MACROD2: variants seen among roughly 807,000 people sequenced by gnomAD.
The protein encoded by MACROD2 is ADP-ribose glycohydrolase MACROD2.
Under a neutral mutation model 70.4 loss-of-function variants are expected in MACROD2, and 36 were observed. The observed-to-expected ratio is 0.51, with a 90% CI of 0.39 to 0.68. The LOEUF is 0.68. Among genes scored for constraint, MACROD2 ranks in the 30% least tolerant of loss-of-function variants. MACROD2 has a pLI of 0.00. For missense variants in MACROD2, 496 were observed against 538.4 expected (o/e 0.92, Z 0.78); for synonymous variants, 172 against 178.8 (o/e 0.96, Z 0.30).
At chr20:15,553,527 T>C (rs1482249059) in intron 8 of MACROD2, among the ~76,000 whole-genome samples, 1 of 152,162 alleles carries the variant, frequency 6.6e-6, no homozygotes, top group Non-Finnish European at 1.5e-5. Context: ...TTGAGCGATC[T>C]CCTACCTCAG....
intron 8 of MACROD2, among the ~76,000 whole-genome samples, chr20:15,696,570 G>A (rs1368613876): frequency 6.6e-6 from 1 of 152,066 alleles, no homozygotes; most frequent in Non-Finnish European, 1.5e-5. Context: ...GAATGAATTA[G>A]GGAGGATTCC....
intron 8 of MACROD2, among the ~76,000 whole-genome samples, chr20:15,669,189 G>C (rs183919910): frequency 6.6e-6 from 1 of 152,142 alleles, no homozygotes; most frequent in Non-Finnish European, 1.5e-5. Context: ...CATTGTACAC[G>C]GGTGCAATGA....
At chr20:14,690,135 T>G (rs1029364023) in intron 5 of MACROD2, among the ~76,000 whole-genome samples, 5 of 152,170 alleles carry the variant, frequency 3.3e-5, no homozygotes, top group Non-Finnish European at 2.9e-5. Context: ...GTTTTCAGCA[T>G]AGCTCACATG....
chr20:14,531,477 G>A (rs1296636415), intron 4 of MACROD2, among the ~76,000 whole-genome samples: 1 of 152,170 alleles, frequency 6.6e-6, no homozygotes, highest in Non-Finnish European at 1.5e-5. Flanking sequence ...ATTCTTCCCT[G>A]TACCTTCTGA....
intron 3 of MACROD2, among the ~76,000 whole-genome samples, chr20:14,390,137 C>A (rs926719618): frequency 6.6e-6 from 1 of 152,150 alleles, no homozygotes; most frequent in Non-Finnish European, 1.5e-5. Context: ...AGAAGAAACT[C>A]CCATTTACAA....
intron 3 of MACROD2, among the ~76,000 whole-genome samples, chr20:14,317,252 A>G (rs771962982): frequency 2.0e-5 from 3 of 152,114 alleles, no homozygotes; most frequent in Non-Finnish European, 2.9e-5. Flanking sequence ...ATGCTCACTC[A>G]TAGCACCATG....
chr20:14,845,306 G>A (rs950450555), intron 5 of MACROD2, among the ~76,000 whole-genome samples: 1 of 152,032 alleles, frequency 6.6e-6, no homozygotes, highest in Non-Finnish European at 1.5e-5. Flanking sequence ...AGTCACAGTT[G>A]TATTTCTAGA....
chr20:14,141,591 C>A (rs2054874258), intron 3 of MACROD2, among the ~76,000 whole-genome samples: 1 of 151,542 alleles, frequency 6.6e-6, no homozygotes, highest in Non-Finnish European at 1.5e-5. Context: ...ACAAAAAATA[C>A]AAAATTAGCT....
At chr20:14,705,475 A>T (rs760834252) in intron 5 of MACROD2, among the ~76,000 whole-genome samples, 10 of 152,124 alleles carry the variant, frequency 6.6e-5, no homozygotes, top group Non-Finnish European at 1.3e-4. Flanking sequence ...GATTTTGTGG[A>T]TGCCAGCCAT....
chr20:15,026,919 A>G (rs942901947), intron 5 of MACROD2, among the ~76,000 whole-genome samples: 2 of 152,206 alleles, frequency 1.3e-5, no homozygotes, highest in African/African-American at 2.4e-5. Context: ...GCCAGGGAGA[A>G]TGTTCTCCTG....
intron 8 of MACROD2, among the ~76,000 whole-genome samples, chr20:15,507,219 A>G (rs1179034450): frequency 1.3e-5 from 2 of 150,100 alleles, no homozygotes; most frequent in Non-Finnish European, 3.0e-5. Context: ...CTACCTCTTT[A>G]TTTTTCTCTC....
intron 4 of MACROD2, among the ~76,000 whole-genome samples, chr20:14,652,506 A>C (rs1166359055): frequency 1.3e-5 from 2 of 152,210 alleles, no homozygotes; most frequent in African/African-American, 4.8e-5. Context: ...GAATTTAATA[A>C]GATAGTAACT....
At chr20:14,794,234 A>G (rs2072485170) in intron 5 of MACROD2, among the ~76,000 whole-genome samples, 1 of 152,294 alleles carries the variant, frequency 6.6e-6, no homozygotes, top group African/African-American at 2.4e-5. Flanking sequence ...TGTTGAAAGT[A>G]AACATTTGTA....
chr20:15,354,336 A>C (rs1208622955), intron 6 of MACROD2, among the ~76,000 whole-genome samples: 3 of 150,722 alleles, frequency 2.0e-5, no homozygotes, highest in Non-Finnish European at 4.4e-5. Context: ...AACATCACAC[A>C]CCGGGGCCTG....
intron 3 of MACROD2, among the ~76,000 whole-genome samples, chr20:14,295,574 TG>T (rs2082420340): frequency 1.3e-5 from 2 of 151,158 alleles, no homozygotes; most frequent in South Asian, 4.2e-4. Context: ...GTGGGGGGGC[TG>T]GGGGGAGTGG....
chr20:15,922,256 C>T (rs2065420873), intron 10 of MACROD2, among the ~76,000 whole-genome samples: 1 of 152,158 alleles, frequency 6.6e-6, no homozygotes, highest in Non-Finnish European at 1.5e-5. Flanking sequence ...CACTGTTCAA[C>T]AGAAATATAG....
At chr20:15,795,762 G>A (rs2063667097) in intron 8 of MACROD2, among the ~76,000 whole-genome samples, 1 of 152,160 alleles carries the variant, frequency 6.6e-6, no homozygotes, top group South Asian at 2.1e-4. Context: ...ACTGAGTATA[G>A]ATAAAAGGCT....
intron 3 of MACROD2, among the ~76,000 whole-genome samples, chr20:14,485,470 G>A (rs1276300298): frequency 6.6e-6 from 1 of 152,202 alleles, no homozygotes; most frequent in Non-Finnish European, 1.5e-5. Flanking sequence ...GGGAGGCTGA[G>A]GCGGGCGAAT....
intron 2 of MACROD2, among the ~76,000 whole-genome samples, chr20:14,085,166 C>CAAA (rs11482652): frequency 3.4e-5 from 5 of 147,234 alleles, no homozygotes; most frequent in Non-Finnish European, 3.0e-5. Flanking sequence ...ATTCCCTCTC[C>CAAA]AAAAAAAAAG....
Sources: allele counts gnomAD v4.1 joint callset (sites outside exome capture counted in the v4.1 genomes callset), GRCh38; gene constraint gnomAD v4.1.1; transcripts MANE v1.5; gene names NCBI Gene and HGNC (gene_info 2026-07-23, HGNC 2026-07-21).